BCKDHB: variants seen among roughly 807,000 people sequenced by gnomAD.
BCKDHB encodes the protein branched chain keto acid dehydrogenase E1 subunit beta, also known as 2-oxoisovalerate dehydrogenase subunit beta, mitochondrial.
In BCKDHB, 41 loss-of-function variants were observed where a neutral mutation model predicts 48.5. The ratio of observed to expected loss-of-function variants is 0.85; its 90% confidence interval spans 0.66 to 1.10. The LOEUF is 1.10. Ranked by LOEUF, BCKDHB falls within the 50% of genes least tolerant of loss-of-function variation. The pLI is 0.00. For synonymous variants in BCKDHB, 201 were observed against 174.8 expected (o/e 1.15, Z -1.18); for missense variants, 496 against 494.2 (o/e 1.00, Z -0.03).
intron 3 of BCKDHB, among the ~76,000 whole-genome samples, chr6:80,136,766 A>G (rs1028222929): frequency 3.9e-5 from 6 of 152,088 alleles, no homozygotes; most frequent in Non-Finnish European, 8.8e-5. Context: ...AAAAACCCCA[A>G]TCAATTAAAA....
At chr6:80,124,750 A>G (rs1328072777) in intron 1 of BCKDHB, among the ~76,000 whole-genome samples, 1 of 152,168 alleles carries the variant, frequency 6.6e-6, no homozygotes, top group Non-Finnish European at 1.5e-5. Context: ...ATATTTTGAA[A>G]GGAATCTTTT....
At chr6:80,256,738 G>A (rs1777068438) in intron 8 of BCKDHB, among the ~76,000 whole-genome samples, 1 of 151,992 alleles carries the variant, frequency 6.6e-6, no homozygotes, top group Non-Finnish European at 1.5e-5. Flanking sequence ...TCCTTATTAG[G>A]CTAAGCTAAA....
At chr6:80,348,421 A>T (rs1770301152), downstream of BCKDHB, among the ~76,000 whole-genome samples, 1 of 152,148 alleles carries the variant, frequency 6.6e-6, no homozygotes. Flanking sequence ...AACTTCTAGA[A>T]ACAGCACTGC....
chr6:80,107,389 C>A, intron 1 of BCKDHB, among the ~76,000 whole-genome samples: 1 of 135,434 alleles, frequency 7.4e-6, no homozygotes, highest in African/African-American at 2.7e-5. Flanking sequence ...TTACTCAGTC[C>A]CTTGGTTTCT....
intron 1 of BCKDHB, among the ~76,000 whole-genome samples, chr6:80,108,225 A>T (rs1422095759): frequency 2.6e-5 from 4 of 151,984 alleles, no homozygotes; most frequent in African/African-American, 9.7e-5. Flanking sequence ...TAAACAATGT[A>T]CTAAGATGCG....
chr6:80,350,060 A>T (rs1176479363), downstream of BCKDHB, among the ~76,000 whole-genome samples: 1 of 152,124 alleles, frequency 6.6e-6, no homozygotes, highest in East Asian at 1.9e-4. Context: ...AGAATATTGT[A>T]AAAGCACCAT....
At chr6:80,169,471 T>G (rs2127776641) in intron 5 of BCKDHB, among the ~76,000 whole-genome samples, 1 of 152,314 alleles carries the variant, frequency 6.6e-6, no homozygotes, top group South Asian at 2.1e-4. Flanking sequence ...TCTTACTTGT[T>G]AAAAAGACTA....
the BCKDHB span, among the ~76,000 whole-genome samples, chr6:80,380,661 A>C: frequency 2.0e-5 from 3 of 152,014 alleles, no homozygotes; most frequent in Admixed American, 6.6e-5. Context: ...ACAGAATGGG[A>C]GAAGATATTT....
At chr6:80,407,335 G>A in the BCKDHB span, among the ~76,000 whole-genome samples, 1 of 152,124 alleles carries the variant, frequency 6.6e-6, no homozygotes, top group Non-Finnish European at 1.5e-5. Flanking sequence ...TCCTTGCTAT[G>A]CAGGCTCTTT....
chr6:80,125,895 G>A (rs1770317526), intron 1 of BCKDHB, among the ~76,000 whole-genome samples: 1 of 152,140 alleles, frequency 6.6e-6, no homozygotes, highest in African/African-American at 2.4e-5. Context: ...ATGTGATTCT[G>A]ATGCTGATAG....
intron 8 of BCKDHB, among the ~76,000 whole-genome samples, chr6:80,252,883 A>G (rs557312669): frequency 6.6e-6 from 1 of 152,108 alleles, no homozygotes; most frequent in Non-Finnish European, 1.5e-5. Context: ...AAAGTTCTGT[A>G]TAGTCTAGAT....
chr6:80,205,406 A>G lies in BCKDHB; in HGVS notation c.951+2194A>G, dbSNP rs554128224. On this transcript the variant is annotated intron_variant, in intron 8 of 9. Coordinates refer to ENST00000320393, the MANE Select transcript of BCKDHB (RefSeq NM_183050.4). Reference sequence around the variant, plus strand: ...GTGTGTCAACTAAACCCCAATATATATCTTTTGGAACGCCTGATCAAGAAA... The same window carrying G: ...GTGTGTCAACTAAACCCCAATATATGTCTTTTGGAACGCCTGATCAAGAAA... Among the ~76,000 whole-genome samples the G allele has an allele frequency of 2.0e-5, 3 of 152,130 alleles. No homozygotes were observed. The East Asian group carries it at 5.8e-4, about 29-fold the overall frequency.
intron 9 of BCKDHB, among the ~76,000 whole-genome samples, chr6:80,285,476 A>G (rs678079): frequency 2.0e-5 from 3 of 151,898 alleles, no homozygotes; most frequent in Non-Finnish European, 4.4e-5. Flanking sequence ...TCATGGGAGC[A>G]ACAGTAGCAT....
At chr6:80,168,716 A>C (rs1335794739) in intron 4 of BCKDHB, among the ~76,000 whole-genome samples, 159 bp from the exon 5 acceptor site, 2 of 130,654 alleles carry the variant, frequency 1.5e-5, no homozygotes, top group African/African-American at 2.9e-5. Flanking sequence ...GGCAGGCAGG[A>C]AGGAAGGAAG....
At position 80,230,023 on chromosome 6, in the gene BCKDHB, G is replaced by GTTTT. The variant is rs1215666594; in HGVS notation, c.951+26813_951+26814insTTTT. Among the ~76,000 whole-genome samples, 77 of 89,468 alleles carry GTTTT rather than the reference G, an allele frequency of 8.6e-4. 3 individuals are homozygous for GTTTT. Among genetic ancestry groups the GTTTT allele is most frequent in the South Asian group, 2.0e-3 (5 of 2,542 alleles). The allele number at this position is 89,468 out of a possible 152,430, so 58.7% of individuals were successfully genotyped here. A position where few individuals can be genotyped will look rare whatever the true frequency, so the allele number is the denominator to read the frequency against. On this transcript the variant is annotated intron_variant, in intron 8 of 9. Transcript: ENST00000320393. ...ATTTGAATTCCAAAGGGGTTTTTAG[G>GTTTT]TTGTTTTTTTTTTTTTTTTTTTTTT... is the stretch of plus-strand genomic sequence containing the variant.
At chr6:80,230,768 A>G (rs190635570) in intron 8 of BCKDHB, among the ~76,000 whole-genome samples, 1 of 152,200 alleles carries the variant, frequency 6.6e-6, no homozygotes, top group Non-Finnish European at 1.5e-5. Flanking sequence ...AAAAGAGAGC[A>G]CGTGCAAGAG....
At chr6:80,302,466 A>C (rs4706833) in intron 9 of BCKDHB, among the ~76,000 whole-genome samples, 121,410 of 152,066 alleles carry the variant, frequency 0.8, 48,644 homozygotes, top group Admixed American at 0.87. Context: ...AAGGCTTATT[A>C]CATACCTTTT....
chr6:80,163,694 G>A (rs1028856133), intron 3 of BCKDHB, among the ~76,000 whole-genome samples: 1 of 152,056 alleles, frequency 6.6e-6, no homozygotes, highest in Admixed American at 6.5e-5. Context: ...CTAATTGATA[G>A]CTCTACCTGA....
At chr6:80,458,904 G>A in the BCKDHB span, among the ~76,000 whole-genome samples, 1 of 152,028 alleles carries the variant, frequency 6.6e-6, no homozygotes, top group Non-Finnish European at 1.5e-5. Flanking sequence ...TCAGGAAAAT[G>A]CAAATTATAA....
Sources: allele counts gnomAD v4.1 joint callset (sites outside exome capture counted in the v4.1 genomes callset), GRCh38; gene constraint gnomAD v4.1.1; transcripts MANE v1.5; gene names NCBI Gene and HGNC (gene_info 2026-07-23, HGNC 2026-07-21).